The following DOCK6 variants were observed in gnomAD, a reference collection of about 807,000 sequenced individuals.
The protein encoded by DOCK6 is dedicator of cytokinesis 6.
In DOCK6, 167 loss-of-function variants were observed where a neutral mutation model predicts 230.3. The ratio of observed to expected loss-of-function variants is 0.73; its 90% confidence interval spans 0.64 to 0.82. DOCK6 has a LOEUF of 0.82. DOCK6 is among the 40% of genes least tolerant of loss of function. The pLI is 0.00. For missense variants in DOCK6, 2,598 were observed against 2,825.8 expected, an observed-to-expected ratio of 0.92 and a Z score of 1.83; for synonymous variants, 1,148 against 1,185.0, an observed-to-expected ratio of 0.97 and a Z score of 0.64.
intron 14 of DOCK6, among the ~76,000 whole-genome samples, chr19:11,241,182 G>A (rs953507042): frequency 6.6e-6 from 1 of 151,646 alleles, no homozygotes; most frequent in African/African-American, 2.4e-5. Context: ...GGAGGTGGAG[G>A]TTGCAGTGAG....
rs776876819 is a variant in DOCK6 at position 11,235,762 on chromosome 19, G to A, written c.2393-3C>T. On this transcript the variant is annotated splice_polypyrimidine_tract_variant and splice_region_variant and intron_variant, in intron 20 of 47. Coordinates refer to ENST00000294618, the MANE Select transcript of DOCK6 (RefSeq NM_020812.4). ...AAAGGCTCCACGGCCCAGGTTCACT[G>A]CAGGGCAGAGCAGAGGTCAAGTTCC... is the stretch of plus-strand genomic sequence containing the variant. 8.2e-5 allele frequency: 130 copies of A among 1,581,794 alleles called. No individual in the cohort carries two copies. The highest frequency in any genetic ancestry group is 1.1e-4 in the Non-Finnish European group (130 of 1,162,318).
At chr19:11,204,849 C>T (rs75571150) in intron 39 of DOCK6, among the ~76,000 whole-genome samples, 2,665 of 152,240 alleles carry the variant, frequency 0.018, 91 homozygotes, top group African/African-American at 0.061. Context: ...CAGCCCTTCA[C>T]CACTTTTAGC....
rs375902653 is a variant in DOCK6, at chr19:11,222,631, A to C, written c.3240+104T>G. On this transcript the variant is annotated intron_variant, in intron 26 of 47. Coordinates refer to ENST00000294618, the MANE Select transcript of DOCK6 (RefSeq NM_020812.4). The surrounding 1 kb of genome is among the most constrained non-coding windows in gnomAD (Gnocchi z 4.0). ...ACATAAGGGATTAGTTCACCTAGGC[A>C]GTGGTCCACCGTGAAAGGGACAGAG... is the stretch of plus-strand genomic sequence containing the variant. The C allele has an allele frequency of 1.7e-4, 210 of 1,232,974 alleles. No homozygotes were observed. In the South Asian group the frequency reaches 3.0e-3, roughly 17 times the overall value. The allele number at this position is 1,232,974 out of a possible 1,614,324, so 76.4% of individuals were successfully genotyped here. A position where few individuals can be genotyped will look rare whatever the true frequency, so the allele number is the denominator to read the frequency against.
chr19:11,243,786 GC>G lies in DOCK6; in HGVS notation c.1104+15del. 1 of 1,613,196 alleles carries G rather than the reference GC, an allele frequency of 6.2e-7. No homozygotes were observed. Among genetic ancestry groups the G allele is most frequent in the Non-Finnish European group, 8.5e-7 (1 of 1,179,572 alleles). Reference sequence around the variant, plus strand: ...TCAGGGATCTGTTGCCCCTAGTCCAGCCTCCACACGCTTACCTTGGCTGTGT... The same window carrying G: ...TCAGGGATCTGTTGCCCCTAGTCCAGCTCCACACGCTTACCTTGGCTGTGT... On this transcript the variant is annotated intron_variant, in intron 10 of 47. Transcript: ENST00000294618. This position sits in a 1 kb window ranked among gnomAD's most constrained non-coding sequence, Gnocchi z 6.3.
rs773444157 is a variant in DOCK6, at chr19:11,216,887, C to T, written c.3894+27G>A. 19 of 1,611,194 alleles carry T rather than the reference C, an allele frequency of 1.2e-5. No individual in the cohort carries two copies. The South Asian group carries it at 2.0e-4, about 17-fold the overall frequency. On this transcript the variant is annotated intron_variant, in intron 30 of 47. Transcript: ENST00000294618. ...GGGTACATCCTTAGCCTGCCTCCTC[C>T]ATCATCTCCTGCCCACGCCCTCAAA...
At chr19:11,212,233 T>C in intron 35 of DOCK6, 82 bp from the exon 36 acceptor site, 2 of 1,490,098 alleles carry the variant, frequency 1.3e-6, no homozygotes, top group Non-Finnish European at 1.8e-6. Flanking sequence ...CCTGCCGACA[T>C]GGCCCTTGCG....
At chr19:11,252,607 T>C in intron 3 of DOCK6, 57 bp from the exon 4 acceptor site, 1 of 1,609,800 alleles carries the variant, frequency 6.2e-7, no homozygotes, top group Non-Finnish European at 8.5e-7. Context: ...ATCCTTCTGC[T>C]AGCCTGTAAG....
chr19:11,230,199 C>T (rs1334862388), intron 22 of DOCK6, among the ~76,000 whole-genome samples: 2 of 151,898 alleles, frequency 1.3e-5, no homozygotes, highest in African/African-American at 4.8e-5. Context: ...ATTAGCTGGG[C>T]GTGGTGGCAG....
intron 1 of DOCK6, among the ~76,000 whole-genome samples, chr19:11,255,362 T>C (rs77922255): frequency 2.7e-5 from 4 of 149,968 alleles, no homozygotes; most frequent in African/African-American, 9.8e-5. Context: ...TGGAGTGTAG[T>C]GGCACGATAT....
intron 22 of DOCK6, 52 bp downstream of exon 22, chr19:11,233,151 G>T: frequency 6.3e-7 from 1 of 1,590,520 alleles, no homozygotes. Flanking sequence ...GCCCACACAC[G>T]TGGCAACCAC....
Position 11,244,313 on chromosome 19 carries a change from CAG to C in DOCK6, c.1024-433_1024-432del, listed in dbSNP as rs747649746. Among the ~76,000 whole-genome samples, 44 of 150,198 alleles carry C rather than the reference CAG, an allele frequency of 2.9e-4. No individual in the cohort carries two copies. In the East Asian group the frequency reaches 6.4e-3, roughly 22 times the overall value. On this transcript the variant is annotated intron_variant, in intron 9 of 47. Coordinates refer to ENST00000294618, the MANE Select transcript of DOCK6 (RefSeq NM_020812.4). ...CTTGCTGTGAATTTTTTTTTTTAGA[CAG>C]AGTCTCCCTGTTGCCCAGGCTGAAG...
intron 7 of DOCK6, chr19:11,247,534 G>A (rs772005706): frequency 9.1e-5 from 14 of 153,170 alleles, no homozygotes; most frequent in Non-Finnish European, 1.9e-4. Flanking sequence ...CTCGGGGTGG[G>A]GAGCGGCAGG....
Position 11,213,293 on chromosome 19 carries a change from C to T in DOCK6, c.4374G>A (p.Leu1458=). The part of the protein sequence containing the change: ...PELLFEEDTE[L]CADLCLRLLR... ...GGAGCCTCAGGCACAGGTCGGCACA[C>T]AGCTCCGTGTCCTCCTCGAACAGCA... Residue 1458 remains leucine (L), a synonymous_variant, in exon 35 of 48, where the codon CTG becomes CTA. Transcript: ENST00000294618. 1.9e-6 allele frequency: 3 copies of T among 1,612,672 alleles called. No individual in the cohort carries two copies. Among genetic ancestry groups the T allele is most frequent in the Non-Finnish European group, 2.5e-6 (3 of 1,179,870 alleles).
chr19:11,247,078 C>G (rs541558836), intron 7 of DOCK6, among the ~76,000 whole-genome samples: 1 of 152,190 alleles, frequency 6.6e-6, no homozygotes, highest in Admixed American at 6.6e-5. Context: ...GGTTATGTGT[C>G]CTGTATACAG....
intron 37 of DOCK6, 95 bp from the exon 38 acceptor site, chr19:11,209,198 T>A (rs2079319577): frequency 7.0e-7 from 1 of 1,438,596 alleles, no homozygotes; most frequent in Non-Finnish European, 9.4e-7. Flanking sequence ...GTTACCCCCA[T>A]GTCCGCCCCA....
chr19:11,200,336 G>T lies in DOCK6; in HGVS notation c.6073C>A (p.Leu2025Met). 6.4e-7 allele frequency: 1 copy of T among 1,574,304 alleles called. No homozygotes were observed. Among genetic ancestry groups the T allele is most frequent in the Non-Finnish European group, 8.6e-7 (1 of 1,159,918 alleles). Reference protein sequence around the residue: ...QPLLTQRLPQLMAPTPPGLRN... With the variant: ...QPLLTQRLPQMMAPTPPGLRN... ...AGGCCGGGTGGGGTGGGTGCCATCA[G>T]CTGGGGCAGGCGCTGGGTAAGCAGG... is the stretch of plus-strand genomic sequence containing the variant. The change falls in exon 47 of 48, where the codon CTG (leucine) becomes ATG (methionine). Residue 2025 changes from leucine (L) to methionine (M), a missense_variant. Leu to Met is a conservative substitution (Grantham distance 15, BLOSUM62 2). Transcript: ENST00000294618. This position sits in a 1 kb window ranked among gnomAD's most constrained non-coding sequence, Gnocchi z 4.3.
At chr19:11,206,037 T>G (rs1195529281) in intron 39 of DOCK6, 1 of 152,192 alleles carries the variant, frequency 6.6e-6, no homozygotes, top group African/African-American at 2.4e-5. Flanking sequence ...TGACTTCAAG[T>G]GTGACCTTGA....
chr19:11,216,077 T>TA, intron 30 of DOCK6, 150 bp from the exon 31 acceptor site: 1 of 995,426 alleles, frequency 1.0e-6, no homozygotes, highest in South Asian at 2.0e-5. Context: ...TCTTAGCACT[T>TA]ACCAAAAAAA....
At position 11,240,340 on chromosome 19, in the gene DOCK6, C is replaced by T. The variant is rs759995254; in HGVS notation, c.1643+1705G>A. ...CCTAGTGGGCTGAGACCCTGATTTCCGGCCAGAACTCGCTTCTGCACCTTG... is the reference window on the plus strand; with the variant it reads ...CCTAGTGGGCTGAGACCCTGATTTCTGGCCAGAACTCGCTTCTGCACCTTG... On this transcript the variant is annotated intron_variant, in intron 14 of 47. Transcript: ENST00000294618. 1.1e-5 allele frequency: 16 copies of T among 1,490,922 alleles called. 1 individual carries two copies. The highest frequency in any genetic ancestry group is 5.3e-5 in the South Asian group (4 of 75,178). The allele number at this position is 1,490,922 out of a possible 1,614,324, so 92.4% of individuals were successfully genotyped here. A position where few individuals can be genotyped will look rare whatever the true frequency, so the allele number is the denominator to read the frequency against.
Sources: allele counts gnomAD v4.1 joint callset (sites outside exome capture counted in the v4.1 genomes callset), GRCh38; gene constraint gnomAD v4.1.1; non-coding constraint Gnocchi (gnomAD v3.1); transcripts MANE v1.5; gene names NCBI Gene and HGNC (gene_info 2026-07-23, HGNC 2026-07-21).